Variants in BEND5 observed in about 807,000 individuals in gnomAD.
The protein encoded by BEND5 is BEN domain-containing protein 5.
A neutral mutation model predicts 43.9 loss-of-function variants in BEND5; 22 were observed. The observed-to-expected ratio is 0.50, with a 90% CI of 0.36 to 0.72. BEND5 has a LOEUF of 0.72. BEND5 is among the 30% of genes least tolerant of loss of function. The probability of loss-of-function intolerance (pLI) is 0.00; values close to 1 mark genes in which losing one functional copy is unlikely to be tolerated. For synonymous variants in BEND5, 228 were observed against 225.9 expected (o/e 1.01, Z -0.08); for missense variants, 428 against 550.6 (o/e 0.78, Z 2.23).
intron 4 of BEND5, among the ~76,000 whole-genome samples, chr1:48,740,322 G>A (rs1649718968): frequency 2.0e-5 from 3 of 152,208 alleles, no homozygotes; most frequent in Non-Finnish European, 1.5e-5. Context: ...GAACCAGGAG[G>A]TCTGGCTTTC....
chr1:48,739,557 GC>G (rs1224726495), intron 4 of BEND5, among the ~76,000 whole-genome samples: 1 of 152,218 alleles, frequency 6.6e-6, no homozygotes, highest in East Asian at 1.9e-4. Flanking sequence ...TGCTGGAGCT[GC>G]CAGCCTGGGT....
chr1:48,748,055 G>C (rs72904841), intron 3 of BEND5, among the ~76,000 whole-genome samples: 2 of 151,972 alleles, frequency 1.3e-5, no homozygotes, highest in Non-Finnish European at 2.9e-5. Context: ...TCCTAAATGC[G>C]TACAGAACAT....
In BEND5 at chr1:48,736,375, G is replaced by A. The variant is rs1255030641; in HGVS notation, c.972C>T (p.Tyr324=). The change falls in exon 5 of 6, where the codon TAC becomes TAT. Residue 324 remains tyrosine (Y), a synonymous_variant. Coordinates refer to ENST00000371833, the MANE Select transcript of BEND5 (RefSeq NM_024603.4). This position sits in a 1 kb window ranked among gnomAD's most constrained non-coding sequence, Gnocchi z 4.0. The part of the protein sequence containing the change: ...QLQVTQGDSK[Y]TKNLAVMIWG... ...AAATCATAACTGCCAAGTTCTTCGT[G>A]TACTTGGAATCTCCTTGGGTTACTT... 1 of 1,614,044 alleles carries A rather than the reference G, an allele frequency of 6.2e-7. No homozygotes were observed. Among genetic ancestry groups the A allele is most frequent in the East Asian group, 2.2e-5 (1 of 44,878 alleles).
In BEND5 at chr1:48,727,900, A is replaced by G; in HGVS notation, c.1252T>C (p.Tyr418His). 1 of 1,604,246 alleles carries G rather than the reference A, an allele frequency of 6.2e-7. No individual in the cohort carries two copies. ...CKNEERREAKYNLQ is the reference protein window; with the variant it reads ...CKNEERREAKHNLQ ...AAATCCAAAGTTTATTGCAAATTGT[A>G]TTTTGCTTCCCTTCGTTCTTCATTT... The change falls in exon 6 of 6, where the codon TAC (tyrosine) becomes CAC (histidine). Residue 418 changes from tyrosine to histidine, a missense_variant. Physicochemically the swap from Tyr to His is moderately conservative, Grantham distance 83. This residue lies in a region of BEND5 where 75 missense variants were observed against 148.5 expected (regional missense o/e 0.50). Coordinates refer to ENST00000371833, the MANE Select transcript of BEND5 (RefSeq NM_024603.4).
chr1:48,727,818 C>A lies in BEND5; in HGVS notation c.*68G>T. On this transcript the variant is annotated 3_prime_UTR_variant, in exon 6 of 6. Transcript: ENST00000371833. ...CATGCACGGTGGGGTCTGATTTGGACGGCACCATCGCTCGCAAATCACATG... is the reference window on the plus strand; with the variant it reads ...CATGCACGGTGGGGTCTGATTTGGAAGGCACCATCGCTCGCAAATCACATG... 2 of 1,453,248 alleles carry A rather than the reference C, an allele frequency of 1.4e-6. No homozygotes were observed. The highest frequency in any genetic ancestry group is 1.3e-5 in the South Asian group (1 of 78,392). The allele number at this position is 1,453,248 out of a possible 1,614,324, so 90.0% of individuals were successfully genotyped here.
intron 5 of BEND5, among the ~76,000 whole-genome samples, chr1:48,735,866 T>C (rs1232183512): frequency 6.6e-6 from 1 of 152,118 alleles, no homozygotes; most frequent in Non-Finnish European, 1.5e-5. Context: ...TACCTCACCA[T>C]ACACATCTGT....
intron 3 of BEND5, among the ~76,000 whole-genome samples, chr1:48,757,038 T>G (rs1230613026): frequency 6.6e-6 from 1 of 152,300 alleles, no homozygotes; most frequent in East Asian, 1.9e-4. Context: ...TATAATGATG[T>G]AAAATGCAGG....
chr1:48,747,188 C>G (rs1026148359), intron 3 of BEND5, among the ~76,000 whole-genome samples: 63 of 152,158 alleles, frequency 4.1e-4, no homozygotes, highest in African/African-American at 1.5e-3. Context: ...TACAATCTGG[C>G]GCAGATATTT....
At chr1:48,748,986 G>A (rs956170905) in intron 3 of BEND5, among the ~76,000 whole-genome samples, 2 of 151,982 alleles carry the variant, frequency 1.3e-5, no homozygotes, top group Admixed American at 6.6e-5. Flanking sequence ...CCATACCCTC[G>A]GGGAATCTGA....
At chr1:48,775,258 T>G (rs776180252) in intron 1 of BEND5, among the ~76,000 whole-genome samples, 9 of 152,166 alleles carry the variant, frequency 5.9e-5, no homozygotes, top group Non-Finnish European at 1.3e-4. Context: ...AGGGTCCAAG[T>G]GCTGCTGGTC....
chr1:48,774,748 C>T (rs920941079), intron 1 of BEND5, among the ~76,000 whole-genome samples: 2 of 152,192 alleles, frequency 1.3e-5, no homozygotes, highest in Admixed American at 6.5e-5. Context: ...GTGGGAGCTG[C>T]CATCTGCCTA....
At chr1:48,771,193 T>C (rs893542059) in intron 1 of BEND5, among the ~76,000 whole-genome samples, 2 of 152,304 alleles carry the variant, frequency 1.3e-5, no homozygotes, top group East Asian at 3.9e-4. Context: ...AGAGAAAATG[T>C]CTCCAGATTA....
At chr1:48,744,465 G>A (rs924808664) in intron 3 of BEND5, among the ~76,000 whole-genome samples, 18 of 152,258 alleles carry the variant, frequency 1.2e-4, no homozygotes, top group East Asian at 1.9e-4. Flanking sequence ...CTGAGTTGGC[G>A]TGTGAAGTCT....
chr1:48,762,660 A>C (rs1001631098), intron 1 of BEND5, among the ~76,000 whole-genome samples: 1 of 112,650 alleles, frequency 8.9e-6, no homozygotes, highest in African/African-American at 3.7e-5. Flanking sequence ...GTGTGTGTGT[A>C]TGTATTTGCA....
At chr1:48,738,359 T>A (rs987102125) in intron 4 of BEND5, among the ~76,000 whole-genome samples, 9 of 152,214 alleles carry the variant, frequency 5.9e-5, no homozygotes, top group Non-Finnish European at 1.0e-4. Context: ...GTACTGCAAA[T>A]CTGTTCATCC....
At chr1:48,754,973 C>CTA (rs1005414548) in intron 3 of BEND5, among the ~76,000 whole-genome samples, 3 of 152,154 alleles carry the variant, frequency 2.0e-5, no homozygotes, top group African/African-American at 7.2e-5. Flanking sequence ...CGGTGACAGT[C>CTA]TATAGCCTAA....
At chr1:48,733,072 A>T (rs1648410834) in intron 5 of BEND5, among the ~76,000 whole-genome samples, 1 of 152,196 alleles carries the variant, frequency 6.6e-6, no homozygotes, top group South Asian at 2.1e-4. Context: ...CAAATGGCAA[A>T]GGCATTACCA....
chr1:48,736,786 T>C lies in BEND5; in HGVS notation c.895-334A>G, dbSNP rs1338904957. 6.6e-6 allele frequency among the ~76,000 whole-genome samples: 1 copy of C among 152,108 alleles called. No individual in the cohort carries two copies. The highest frequency in any genetic ancestry group is 1.5e-5 in the Non-Finnish European group (1 of 68,010). On this transcript the variant is annotated intron_variant, in intron 4 of 5. Coordinates refer to ENST00000371833, the MANE Select transcript of BEND5 (RefSeq NM_024603.4). The surrounding 1 kb of genome is among the most constrained non-coding windows in gnomAD (Gnocchi z 4.0). ...ATCATTCAACTAGTAAGTGGCAGAGTTGATATTCTACACTATACTTAGTTT... is the reference window on the plus strand; with the variant it reads ...ATCATTCAACTAGTAAGTGGCAGAGCTGATATTCTACACTATACTTAGTTT...
intron 3 of BEND5, among the ~76,000 whole-genome samples, chr1:48,750,905 A>T (rs1651628895): frequency 6.6e-6 from 1 of 152,012 alleles, no homozygotes; most frequent in Admixed American, 6.6e-5. Flanking sequence ...TACCCCCCAC[A>T]CTCAGAGTAC....
Sources: gnomAD v4.1 joint callset for allele counts (sites outside exome capture counted in the v4.1 genomes callset) on GRCh38, gnomAD v4.1.1 for gene constraint, gnomAD v4.1.1 regional missense constraint, Gnocchi (gnomAD v3.1) non-coding constraint, MANE v1.5 for transcripts, NCBI Gene and HGNC (gene_info 2026-07-23, HGNC 2026-07-21) for gene names.